Variants in TCIRG1 observed in about 807,000 individuals in gnomAD.
TCIRG1 encodes the protein V-type proton ATPase 116 kDa subunit a 3.
In TCIRG1, 86 loss-of-function variants were observed where a neutral mutation model predicts 95.5. The ratio of observed to expected loss-of-function variants is 0.90; its 90% CI spans 0.76 to 1.08. The LOEUF is 1.08. Ranked by LOEUF, TCIRG1 falls within the 50% of genes least tolerant of loss-of-function variation. TCIRG1 has a pLI of 0.00. For missense variants in TCIRG1, 1,069 were observed against 1,140.2 expected, an observed-to-expected ratio of 0.94 and a Z score of 0.90; for synonymous variants, 499 against 501.3, an observed-to-expected ratio of 1.00 and a Z score of 0.06.
In TCIRG1 at chr11:68,048,849, G is replaced by A. The variant is rs760029208; in HGVS notation, c.1555-30G>A. Reference sequence around the variant, plus strand: ...TGGCAGTGATGGCGAGGGAGCCCCTGAGTCCAGCCCACCCCTGCTGCCACC... The same window carrying A: ...TGGCAGTGATGGCGAGGGAGCCCCTAAGTCCAGCCCACCCCTGCTGCCACC... On this transcript the variant is annotated intron_variant, in intron 13 of 19. Coordinates refer to ENST00000265686, the MANE Select transcript of TCIRG1 (RefSeq NM_006019.4). 1.3e-5 allele frequency: 20 copies of A among 1,512,722 alleles called. No homozygotes were observed. In the South Asian group the frequency reaches 1.9e-4, roughly 14 times the overall value. The allele number at this position is 1,512,722 out of a possible 1,614,324, so 93.7% of individuals were successfully genotyped here.
chr11:68,042,953 C>G lies in TCIRG1; in HGVS notation c.425C>G (p.Ala142Gly), dbSNP rs1855250332. The change falls in exon 5 of 20, where the codon GCC becomes GGC. Residue 142 changes from alanine to glycine, a missense_variant. Physicochemically the swap from Ala to Gly is moderately conservative, Grantham distance 60. Coordinates refer to ENST00000265686, the MANE Select transcript of TCIRG1 (RefSeq NM_006019.4). ...LRQGHEPQLA[A>G]AHTDGASERT... ...GTGCTTCTGGGTTCCTAGCTGGCAG[C>G]CGCCCACACAGATGGGGCCTCAGAG... 5 of 1,553,902 alleles carry G rather than the reference C, an allele frequency of 3.2e-6. No individual in the cohort carries two copies. Among genetic ancestry groups the G allele is most frequent in the Non-Finnish European group, 4.4e-6 (5 of 1,148,794 alleles).
chr11:68,040,705 G>T lies in TCIRG1; in HGVS notation c.-4-563G>T, dbSNP rs544314993. Among the ~76,000 whole-genome samples the T allele has an allele frequency of 2.0e-5, 3 of 152,326 alleles. No homozygotes were observed. In the South Asian group the frequency reaches 6.2e-4, roughly 32 times the overall value. The stretch of plus-strand genomic sequence containing the variant: ...CCATTCTGTAGTTTCACTTTTGTTG[G>T]TTTCAACACCTGGAAGGCTGCGGCT... On this transcript the variant is annotated intron_variant, in intron 1 of 19. Coordinates refer to ENST00000265686, the MANE Select transcript of TCIRG1 (RefSeq NM_006019.4).
chr11:68,045,961 G>A (rs1247952745), intron 10 of TCIRG1, among the ~76,000 whole-genome samples: 1 of 152,196 alleles, frequency 6.6e-6, no homozygotes, highest in Non-Finnish European at 1.5e-5. Context: ...GCACTGGGGG[G>A]TTTGCTGCTT....
chr11:68,042,880 G>T lies in TCIRG1; in HGVS notation c.417+17G>T, dbSNP rs1210003490. On this transcript the variant is annotated intron_variant, in intron 4 of 19. Coordinates refer to ENST00000265686, the MANE Select transcript of TCIRG1 (RefSeq NM_006019.4). ...GAACCTCAGGTCAGCTCCCACCCAG[G>T]CAGGAGACTGGGGGGCTGGGGAGGG... The T allele has an allele frequency of 6.5e-7, 1 of 1,550,012 alleles. No individual in the cohort carries two copies. Among genetic ancestry groups the T allele is most frequent in the Non-Finnish European group, 8.7e-7 (1 of 1,146,730 alleles).
Position 68,044,128 on chromosome 11 carries a change from G to A in TCIRG1, c.808-4G>A, listed in dbSNP as rs374294688. ...GCCCCCGCTGACTGCCCACTCTGGC[G>A]CAGGTCCTCGGGGAGACAGAGCGGT... On this transcript the variant is annotated splice_polypyrimidine_tract_variant and splice_region_variant and intron_variant, in intron 8 of 19. Transcript: ENST00000265686. 9.7e-6 allele frequency: 15 copies of A among 1,547,362 alleles called. No homozygotes were observed. Among genetic ancestry groups the A allele is most frequent in the African/African-American group, 5.5e-5 (4 of 73,056 alleles).
At chr11:68,048,076 C>A in intron 13 of TCIRG1, 104 bp downstream of exon 13, 1 of 1,014,082 alleles carries the variant, frequency 9.9e-7, no homozygotes, top group Non-Finnish European at 1.5e-6. Flanking sequence ...CTGAGCACTC[C>A]TGTGTGCCAG....
chr11:68,053,163 G>T, downstream of TCIRG1: 1 of 157,736 alleles, frequency 6.3e-6, no homozygotes, highest in Non-Finnish European at 1.4e-5. Context: ...CGACACTCCA[G>T]GCAGAGCAGA....
chr11:68,048,329 T>C (rs972283745), intron 13 of TCIRG1: 8 of 366,756 alleles, frequency 2.2e-5, no homozygotes, highest in African/African-American at 1.7e-4. Flanking sequence ...AGTCTCATTC[T>C]GTTGCCCAGG....
chr11:68,052,529 A>ACTCT (rs1855833013), downstream of TCIRG1: 1 of 152,028 alleles, frequency 6.6e-6, no homozygotes, highest in African/African-American at 2.4e-5. Flanking sequence ...TAAAACTGTA[A>ACTCT]CTCTCTAGAA....
chr11:68,050,288 C>A (rs752611460), intron 18 of TCIRG1, 34 bp downstream of exon 18: 11 of 1,604,378 alleles, frequency 6.9e-6, no homozygotes, highest in Non-Finnish European at 9.4e-6. Flanking sequence ...CTGGCCCCAG[C>A]TCCTGGCTTC....
intron 5 of TCIRG1, 138 bp downstream of exon 5, chr11:68,043,169 A>G (rs1855263647): frequency 6.6e-7 from 1 of 1,519,214 alleles, no homozygotes; most frequent in Admixed American, 2.1e-5. Context: ...CAGGCCCGGA[A>G]CTTCCCACAG....
At chr11:68,043,187 C>T (rs1855264368) in intron 5 of TCIRG1, 156 bp downstream of exon 5, 2 of 1,502,374 alleles carry the variant, frequency 1.3e-6, no homozygotes, top group East Asian at 2.5e-5. Context: ...CAGTCCCAAG[C>T]CCTAGCCCTA....
At chr11:68,050,448 C>A in intron 18 of TCIRG1, 39 bp from the exon 19 acceptor site, 1 of 1,611,592 alleles carries the variant, frequency 6.2e-7, no homozygotes, top group Non-Finnish European at 8.5e-7. Context: ...TGGCAGGCAC[C>A]CACTTGCCGT....
chr11:68,050,291 C>T (rs2134465188), intron 18 of TCIRG1, 37 bp downstream of exon 18: 1 of 1,605,422 alleles, frequency 6.2e-7, no homozygotes, highest in Non-Finnish European at 8.5e-7. Flanking sequence ...GCCCCAGCTC[C>T]TGGCTTCTCA....
intron 1 of TCIRG1, among the ~76,000 whole-genome samples, chr11:68,040,526 G>C (rs954326513): frequency 6.6e-6 from 1 of 152,164 alleles, no homozygotes; most frequent in African/African-American, 2.4e-5. Flanking sequence ...CCTAATTTTC[G>C]AGCTAAGCAA....
chr11:68,050,919 C>T (rs1202996753), downstream of TCIRG1: 42 of 1,357,988 alleles, frequency 3.1e-5, no homozygotes, highest in Middle Eastern at 3.5e-4. Flanking sequence ...TCTCTTCCCT[C>T]CTTTTTAGCT....
At position 68,047,494 on chromosome 11, in the gene TCIRG1, CG is replaced by C. The variant is rs2134454279; in HGVS notation, c.1230del (p.Leu411CysfsTer19). The C allele has an allele frequency of 6.2e-7, 1 of 1,614,038 alleles. No individual in the cohort carries two copies. Among genetic ancestry groups the C allele is most frequent in the Non-Finnish European group, 8.5e-7 (1 of 1,180,006 alleles). ...FAVMFGDVGHGLLMFLFALAM... is the reference protein window; with the variant it reads ...FAVMFGDVGHXLLMFLFALAM... Reference sequence around the variant, plus strand: ...CTGTGATGTTCGGGGATGTGGGCCACGGGCTGCTCATGTTCCTGTTCGCCCT... The same window carrying C: ...CTGTGATGTTCGGGGATGTGGGCCACGGCTGCTCATGTTCCTGTTCGCCCT... On this transcript the variant is annotated frameshift_variant, in exon 11 of 20. Transcript: ENST00000265686. LOFTEE classifies it high-confidence loss of function.
chr11:68,047,312 T>C, intron 10 of TCIRG1, 121 bp from the exon 11 acceptor site: 1 of 728,684 alleles, frequency 1.4e-6, no homozygotes, highest in Non-Finnish European at 2.0e-6. Flanking sequence ...TGAGCCACTG[T>C]GCCTGGCTGC....
At chr11:68,044,928 G>A (rs760589086) in intron 9 of TCIRG1, 30 bp from the exon 10 acceptor site, 49 of 1,604,382 alleles carry the variant, frequency 3.1e-5, no homozygotes, top group Admixed American at 8.3e-5. Context: ...CCCCGCCACC[G>A]TTCTGGTCTG....
Sources: gnomAD v4.1 joint callset for allele counts (sites outside exome capture counted in the v4.1 genomes callset) on GRCh38, gnomAD v4.1.1 for gene constraint, MANE v1.5 for transcripts, NCBI Gene and HGNC (gene_info 2026-07-23, HGNC 2026-07-21) for gene names.